The following EYS variants were observed in gnomAD, a reference collection of about 807,000 sequenced individuals.
EYS encodes EGF-like photoreceptor maintenance factor, also known as protein eyes shut homolog.
EYS carries 250 observed loss-of-function variants against 282.1 expected under a neutral mutation model. That is an observed-to-expected ratio of 0.89 (90% CI 0.80 to 0.98). The LOEUF (loss-of-function observed/expected upper bound fraction) is 0.98. Among genes scored for constraint, EYS ranks in the 50% least tolerant of loss-of-function variants. The probability of loss-of-function intolerance (pLI) is 0.00; values close to 1 mark genes in which losing one functional copy is unlikely to be tolerated. For missense variants in EYS, 4,016 were observed against 3,709.0 expected, an observed-to-expected ratio of 1.08 and a Z score of -2.15; for synonymous variants, 1,355 against 1,282.9, an observed-to-expected ratio of 1.06 and a Z score of -1.20.
chr6:64,710,349 T>C (rs1361785485), intron 22 of EYS, among the ~76,000 whole-genome samples: 1 of 152,188 alleles, frequency 6.6e-6, no homozygotes, highest in Non-Finnish European at 1.5e-5. Context: ...TTCTACCACA[T>C]CTCAGGTGGA....
At chr6:65,275,343 T>G (rs1470823284) in intron 12 of EYS, among the ~76,000 whole-genome samples, 1 of 152,134 alleles carries the variant, frequency 6.6e-6, no homozygotes, top group African/African-American at 2.4e-5. Flanking sequence ...CCATAATGAA[T>G]TAGATGTTAT....
chr6:65,593,722 A>T (rs1394730535), intron 2 of EYS, among the ~76,000 whole-genome samples: 1 of 151,928 alleles, frequency 6.6e-6, no homozygotes, highest in Non-Finnish European at 1.5e-5. Context: ...TATTCTCCCC[A>T]TATACCTTAC....
At chr6:64,854,697 C>A (rs1372187904) in intron 19 of EYS, among the ~76,000 whole-genome samples, 2 of 151,980 alleles carry the variant, frequency 1.3e-5, no homozygotes, top group South Asian at 4.2e-4. Flanking sequence ...ACATATGTAA[C>A]TAACCTGCAC....
intron 14 of EYS, among the ~76,000 whole-genome samples, chr6:64,951,752 A>C (rs1466508737): frequency 1.3e-5 from 2 of 151,882 alleles, no homozygotes. Flanking sequence ...AGAATTAATA[A>C]ACTTGCTAGT....
At chr6:64,326,884 G>T (rs537040951) in intron 29 of EYS, among the ~76,000 whole-genome samples, 1 of 152,250 alleles carries the variant, frequency 6.6e-6, no homozygotes, top group South Asian at 2.1e-4. Flanking sequence ...ATCCCATAAA[G>T]ACAGAAGGGG....
At chr6:64,497,461 A>C (rs895456839) in intron 26 of EYS, among the ~76,000 whole-genome samples, 1 of 152,176 alleles carries the variant, frequency 6.6e-6, no homozygotes, top group Non-Finnish European at 1.5e-5. Flanking sequence ...ATGAGCCCAG[A>C]AGCAGATGGG....
intron 2 of EYS, among the ~76,000 whole-genome samples, chr6:65,617,074 T>G (rs1318411449): frequency 6.6e-6 from 1 of 152,186 alleles, no homozygotes; most frequent in Non-Finnish European, 1.5e-5. Flanking sequence ...AGAAATATTT[T>G]TTATACTTTC....
chr6:65,573,322 T>C (rs761953654), intron 2 of EYS, among the ~76,000 whole-genome samples: 20 of 152,198 alleles, frequency 1.3e-4, no homozygotes, highest in Non-Finnish European at 2.8e-4. Context: ...AAAGAAGAAA[T>C]GTAAAAGCTA....
chr6:64,742,412 G>A (rs1772407195), intron 22 of EYS, among the ~76,000 whole-genome samples: 1 of 152,114 alleles, frequency 6.6e-6, no homozygotes, highest in Admixed American at 6.5e-5. Flanking sequence ...TTACCAAAAA[G>A]TGACCCAGAA....
rs532555235 is a variant in EYS at position 63,836,304 on chromosome 6, G to T, written c.7228+27882C>A. ...TTCTGGTAAAACAGAAATTCTGTTT[G>T]CTCTTAGGTGAATGTAAAATTTGCC... On this transcript the variant is annotated intron_variant, in intron 36 of 42. Coordinates refer to ENST00000503581, the MANE Select transcript of EYS (RefSeq NM_001142800.2). Among the ~76,000 whole-genome samples, 12 of 151,954 alleles carry T rather than the reference G, an allele frequency of 7.9e-5. No individual in the cohort carries two copies. The East Asian group carries it at 2.3e-3, about 29-fold the overall frequency.
At chr6:64,743,714 AT>A (rs533130325) in intron 22 of EYS, among the ~76,000 whole-genome samples, 1 of 152,110 alleles carries the variant, frequency 6.6e-6, no homozygotes, top group South Asian at 2.1e-4. Context: ...AAGTTACTTG[AT>A]TTTTTTGTTT....
At chr6:64,077,211 A>G (rs1771804648) in intron 32 of EYS, among the ~76,000 whole-genome samples, 1 of 152,028 alleles carries the variant, frequency 6.6e-6, no homozygotes, top group Non-Finnish European at 1.5e-5. Flanking sequence ...GGTACACACA[A>G]TAAAATTGAT....
intron 26 of EYS, among the ~76,000 whole-genome samples, chr6:64,481,420 A>T (rs994725731): frequency 6.7e-6 from 1 of 148,902 alleles, no homozygotes; most frequent in Non-Finnish European, 1.5e-5. Flanking sequence ...AAAATACAGA[A>T]TTTTTTTTTC....
intron 33 of EYS, among the ~76,000 whole-genome samples, chr6:64,038,131 G>A (rs1272350095): frequency 1.3e-5 from 2 of 151,926 alleles, no homozygotes; most frequent in African/African-American, 4.8e-5. Flanking sequence ...AGAGGCTGGG[G>A]TGGTTGAGGC....
chr6:65,430,528 T>C (rs1256887999), intron 5 of EYS, among the ~76,000 whole-genome samples: 2 of 152,130 alleles, frequency 1.3e-5, no homozygotes, highest in Non-Finnish European at 2.9e-5. Flanking sequence ...GCTGATACAG[T>C]TGACTTGTGG....
At chr6:65,414,208 C>T (rs1258459328) in intron 5 of EYS, among the ~76,000 whole-genome samples, 1 of 152,106 alleles carries the variant, frequency 6.6e-6, no homozygotes, top group Admixed American at 6.6e-5. Context: ...AGCTAAGAGA[C>T]TGAGTCAACA....
chr6:65,225,486 C>G (rs1035688840), intron 12 of EYS, among the ~76,000 whole-genome samples: 1 of 151,432 alleles, frequency 6.6e-6, no homozygotes, highest in East Asian at 1.9e-4. Flanking sequence ...GAGGTCGAGG[C>G]GGGCAGATCA....
At chr6:64,788,772 A>G (rs1445162133) in intron 22 of EYS, among the ~76,000 whole-genome samples, 1 of 152,152 alleles carries the variant, frequency 6.6e-6, no homozygotes, top group East Asian at 1.9e-4. Flanking sequence ...TAAATTACAA[A>G]TGGGCATTTT....
At chr6:63,798,234 A>G (rs1770694137) in intron 37 of EYS, among the ~76,000 whole-genome samples, 1 of 152,224 alleles carries the variant, frequency 6.6e-6, no homozygotes. Flanking sequence ...AATACTAGTC[A>G]CATGTGACAA....
Sources: allele counts gnomAD v4.1 joint callset (sites outside exome capture counted in the v4.1 genomes callset), GRCh38; gene constraint gnomAD v4.1.1; transcripts MANE v1.5; gene names NCBI Gene and HGNC (gene_info 2026-07-23, HGNC 2026-07-21).